The following GALNTL6 variants were observed in gnomAD, a reference collection of about 807,000 sequenced individuals.
The protein encoded by GALNTL6 is polypeptide N-acetylgalactosaminyltransferase like 6, also known as polypeptide N-acetylgalactosaminyltransferase-like 6.
In GALNTL6, 46 loss-of-function variants were observed where a neutral mutation model predicts 73.7. The observed-to-expected ratio is 0.62, with a 90% confidence interval of 0.49 to 0.80. The LOEUF is 0.80. Among genes scored for constraint, GALNTL6 ranks in the 30% least tolerant of loss-of-function variants. The pLI is 0.00. For missense variants in GALNTL6, 604 were observed against 755.0 expected, an observed-to-expected ratio of 0.80 and a Z score of 2.34; for synonymous variants, 259 against 263.7, an observed-to-expected ratio of 0.98 and a Z score of 0.17.
chr4:172,833,129 C>A (rs1483017362), intron 7 of GALNTL6, among the ~76,000 whole-genome samples: 3 of 152,090 alleles, frequency 2.0e-5, no homozygotes, highest in Admixed American at 6.6e-5. Flanking sequence ...CATGGGCGTT[C>A]TTCCGGGATG....
chr4:173,029,679 A>T (rs74673804), intron 12 of GALNTL6, among the ~76,000 whole-genome samples: 4,175 of 152,214 alleles, frequency 0.027, 85 homozygotes, highest in Non-Finnish European at 0.046. Context: ...GAGAAAAAAA[A>T]TCTCAGTCTT....
At chr4:172,463,831 T>C (rs1019797876) in intron 5 of GALNTL6, among the ~76,000 whole-genome samples, 2 of 152,234 alleles carry the variant, frequency 1.3e-5, no homozygotes, top group African/African-American at 4.8e-5. Context: ...TGCATGATTT[T>C]CTATTGATAA....
At chr4:172,795,217 G>C (rs141863795) in intron 5 of GALNTL6, among the ~76,000 whole-genome samples, 19 of 152,296 alleles carry the variant, frequency 1.2e-4, no homozygotes, top group African/African-American at 4.6e-4. Flanking sequence ...TGAGGATGCA[G>C]GGAAGAGATG....
chr4:172,998,725 C>A (rs952995008), intron 10 of GALNTL6, among the ~76,000 whole-genome samples: 1 of 152,140 alleles, frequency 6.6e-6, no homozygotes, highest in South Asian at 2.1e-4. Context: ...CCCCTCCCAC[C>A]TTGAAACTCT....
intron 8 of GALNTL6, among the ~76,000 whole-genome samples, chr4:172,919,113 A>C (rs1266642188): frequency 6.6e-6 from 1 of 152,204 alleles, no homozygotes; most frequent in Non-Finnish European, 1.5e-5. Flanking sequence ...TAGAAACCCA[A>C]ACCCTCACTG....
chr4:172,687,811 G>A (rs1010943794), intron 5 of GALNTL6, among the ~76,000 whole-genome samples: 2 of 151,988 alleles, frequency 1.3e-5, no homozygotes, highest in Non-Finnish European at 2.9e-5. Context: ...AAGCCCCTAA[G>A]GAAAACAATA....
intron 2 of GALNTL6, among the ~76,000 whole-genome samples, chr4:172,170,540 C>T (rs1734781812): frequency 2.2e-5 from 3 of 137,034 alleles, no homozygotes; most frequent in East Asian, 2.1e-4. Context: ...GACAGAGTCT[C>T]GCTCTGTCAC....
chr4:172,822,620 G>A (rs72998202), intron 7 of GALNTL6, among the ~76,000 whole-genome samples: 11,656 of 152,130 alleles, frequency 0.077, 901 homozygotes, highest in African/African-American at 0.18. Context: ...CAGCTCCTCC[G>A]TAGTCAGGCT....
At chr4:172,311,835 C>A in intron 4 of GALNTL6, 83 bp downstream of exon 4, 1 of 883,398 alleles carries the variant, frequency 1.1e-6, no homozygotes, top group Non-Finnish European at 1.6e-6. Flanking sequence ...TGTATCACTG[C>A]GAGATATGTA....
At chr4:171,910,862 A>G (rs1737457049) in intron 2 of GALNTL6, among the ~76,000 whole-genome samples, 1 of 152,194 alleles carries the variant, frequency 6.6e-6, no homozygotes, top group African/African-American at 2.4e-5. Flanking sequence ...TGGCATATAA[A>G]CATGCAGAAT....
At chr4:172,235,951 C>T (rs1334696984) in intron 3 of GALNTL6, among the ~76,000 whole-genome samples, 2 of 152,178 alleles carry the variant, frequency 1.3e-5, no homozygotes, top group Non-Finnish European at 2.9e-5. Context: ...ATAATGACAT[C>T]TAAGTGTATC....
intron 7 of GALNTL6, among the ~76,000 whole-genome samples, chr4:172,879,074 C>A (rs1208634894): frequency 4.6e-5 from 7 of 151,652 alleles, no homozygotes; most frequent in South Asian, 4.2e-4. Context: ...ACAACAACAA[C>A]AAAAAAGCCT....
At chr4:172,694,190 A>G (rs1368778128) in intron 5 of GALNTL6, among the ~76,000 whole-genome samples, 1 of 151,128 alleles carries the variant, frequency 6.6e-6, no homozygotes, top group African/African-American at 2.4e-5. Flanking sequence ...GATTTGTTAC[A>G]TGGGTATACA....
At chr4:172,802,583 G>A (rs1318087822) in intron 5 of GALNTL6, among the ~76,000 whole-genome samples, 1 of 152,084 alleles carries the variant, frequency 6.6e-6, no homozygotes, top group African/African-American at 2.4e-5. Context: ...ATCACTTGAG[G>A]TCAGGAGTTT....
chr4:172,642,393 T>A lies in GALNTL6; in HGVS notation c.554-166968T>A, dbSNP rs929486547. On this transcript the variant is annotated intron_variant, in intron 5 of 12. Transcript: ENST00000506823. ...TATATATATACACAATTGAGTATGA[T>A]TCAGCCTTAAAAAAGAAAGAAATCC... Among the ~76,000 whole-genome samples, 6 of 151,940 alleles carry A rather than the reference T, an allele frequency of 3.9e-5. No individual in the cohort carries two copies. The East Asian group carries it at 1.2e-3, about 29-fold the overall frequency.
chr4:172,666,260 G>A (rs900710131), intron 5 of GALNTL6, among the ~76,000 whole-genome samples: 1 of 152,130 alleles, frequency 6.6e-6, no homozygotes, highest in Non-Finnish European at 1.5e-5. Flanking sequence ...TGGTGTTTCT[G>A]AATCTTTGCG....
chr4:172,888,622 G>A (rs563970023), intron 8 of GALNTL6, among the ~76,000 whole-genome samples: 1 of 152,250 alleles, frequency 6.6e-6, no homozygotes, highest in South Asian at 2.1e-4. Flanking sequence ...CTATGTGTCT[G>A]TTTTCGTACC....
intron 2 of GALNTL6, among the ~76,000 whole-genome samples, chr4:172,010,478 T>G (rs1393443887): frequency 1.3e-5 from 2 of 152,070 alleles, no homozygotes; most frequent in Non-Finnish European, 2.9e-5. Context: ...GGCAGTACAT[T>G]TATTTCCCTC....
chr4:172,595,746 A>T (rs1398311542), intron 5 of GALNTL6, among the ~76,000 whole-genome samples: 1 of 152,206 alleles, frequency 6.6e-6, no homozygotes, highest in Non-Finnish European at 1.5e-5. Flanking sequence ...TGGATATAAA[A>T]GAATTAATAG....
Sources: allele counts gnomAD v4.1 joint callset (sites outside exome capture counted in the v4.1 genomes callset), GRCh38; gene constraint gnomAD v4.1.1; transcripts MANE v1.5; gene names NCBI Gene and HGNC (gene_info 2026-07-23, HGNC 2026-07-21).